MBTPS2: variants seen among roughly 807,000 people sequenced by gnomAD.
The protein encoded by MBTPS2 is membrane bound transcription factor peptidase, site 2.
MBTPS2 carries 2 observed loss-of-function variants against 35.4 expected under a neutral mutation model. The observed-to-expected ratio is 0.06, with a 90% CI of 0.02 to 0.18. The LOEUF is 0.18. Ranked by LOEUF, MBTPS2 falls within the 10% of genes least tolerant of loss-of-function variation. The probability of loss-of-function intolerance (pLI) is 1.00; values close to 1 mark genes in which losing one functional copy is unlikely to be tolerated. For missense variants in MBTPS2, 244 were observed against 386.5 expected (o/e 0.63, Z 3.09); for synonymous variants, 125 against 140.4 (o/e 0.89, Z 0.77).
At chrX:21,872,808 A>C (rs2147450369) in intron 7 of MBTPS2, 1 of 106,365 alleles carries the variant, frequency 9.4e-6, no homozygotes, top group South Asian at 4.2e-4. Flanking sequence ...ACTAGCCTTA[A>C]AAAAAAAATA....
At chrX:21,847,452 A>G in intron 3 of MBTPS2, among the ~76,000 whole-genome samples, 1 of 112,139 alleles carries the variant, frequency 8.9e-6, no homozygotes. Context: ...TCTCCAAACC[A>G]TGGCACTCTG....
At chrX:21,848,370 G>A (rs889565974) in intron 3 of MBTPS2, among the ~76,000 whole-genome samples, 12 of 108,418 alleles carry the variant, frequency 1.1e-4, no homozygotes, top group Non-Finnish European at 7.6e-5. Flanking sequence ...AGTGAGCCAA[G>A]ATCACACCAT....
chrX:21,876,319 T>C (rs888201896), intron 7 of MBTPS2, among the ~76,000 whole-genome samples: 10 of 111,570 alleles, frequency 9.0e-5, no homozygotes, highest in African/African-American at 3.3e-4. Context: ...ATCCCAGCAC[T>C]TTGGGAGGCC....
intron 9 of MBTPS2, among the ~76,000 whole-genome samples, chrX:21,879,943 G>A (rs867756465): frequency 3.8e-5 from 2 of 52,531 alleles, no homozygotes; most frequent in Non-Finnish European, 6.0e-5. Context: ...TGGGTTTTAT[G>A]TTATTCTTTT....
chrX:21,858,548 A>G (rs1259137614), intron 5 of MBTPS2: 2 of 123,035 alleles, frequency 1.6e-5, no homozygotes, highest in Non-Finnish European at 3.8e-5. Flanking sequence ...GCCACTAAAC[A>G]TCCTACAATG....
intron 7 of MBTPS2, among the ~76,000 whole-genome samples, chrX:21,873,993 G>GTATA (rs1404695632): frequency 4.5e-5 from 3 of 66,591 alleles, no homozygotes; most frequent in African/African-American, 1.3e-4. Context: ...GTGTGTGTGT[G>GTATA]TGTGTGTGTA....
At chrX:21,857,107 C>A (rs1198963984) in intron 5 of MBTPS2, 1 of 1,211,515 alleles carries the variant, frequency 8.3e-7, no homozygotes, top group South Asian at 1.8e-5. Context: ...GAAAACCCAC[C>A]TGATTATTCC....
At chrX:21,851,093 C>T (rs1401992280) in intron 3 of MBTPS2, among the ~76,000 whole-genome samples, 5 of 111,667 alleles carry the variant, frequency 4.5e-5, no homozygotes, top group Non-Finnish European at 7.5e-5. Flanking sequence ...AGCGGAAGGT[C>T]TAGGAATTTT....
At chrX:21,851,114 C>T (rs2092914235) in intron 3 of MBTPS2, among the ~76,000 whole-genome samples, 1 of 111,597 alleles carries the variant, frequency 9.0e-6, no homozygotes, top group African/African-American at 3.3e-5. Context: ...AACAAGGATT[C>T]CCAAATCAGG....
chrX:21,882,429 C>T lies in MBTPS2; in HGVS notation c.1338-4C>T, dbSNP rs1275108686. ...AGTTGGTTCCTTAACTGATTTTAAC[C>T]CAGGTACCTGATTTCCCTCTCAGGA... is the stretch of plus-strand genomic sequence containing the variant. On this transcript the variant is annotated splice_polypyrimidine_tract_variant and splice_region_variant and intron_variant, in intron 10 of 10. Coordinates refer to ENST00000379484, the MANE Select transcript of MBTPS2 (RefSeq NM_015884.4). The T allele has an allele frequency of 8.3e-6, 10 of 1,202,174 alleles. No individual in the cohort carries two copies. Among genetic ancestry groups the T allele is most frequent in the Non-Finnish European group, 1.0e-5 (9 of 887,914 alleles).
chrX:21,842,420 T>G (rs948522543), intron 1 of MBTPS2, among the ~76,000 whole-genome samples: 1 of 110,676 alleles, frequency 9.0e-6, no homozygotes, highest in Admixed American at 9.6e-5. Flanking sequence ...TCCCTTCTCT[T>G]GGATTGGTAG....
At chrX:21,877,749 C>G (rs1158569199) in intron 7 of MBTPS2, among the ~76,000 whole-genome samples, 1 of 111,828 alleles carries the variant, frequency 8.9e-6, no homozygotes, top group Non-Finnish European at 1.9e-5. Flanking sequence ...ACCAGCCAGA[C>G]TTATTATTGT....
chrX:21,843,558 C>A (rs2092905161), intron 2 of MBTPS2, among the ~76,000 whole-genome samples: 1 of 111,287 alleles, frequency 9.0e-6, no homozygotes, highest in Admixed American at 9.6e-5. Flanking sequence ...CTCTGGGACA[C>A]CCAAGATACA....
intron 3 of MBTPS2, among the ~76,000 whole-genome samples, chrX:21,848,579 C>G (rs1404300239): frequency 1.8e-5 from 2 of 110,654 alleles, no homozygotes; most frequent in Non-Finnish European, 3.8e-5. Context: ...ACTGTGGAGG[C>G]TGAAGCAGGA....
At chrX:21,841,212 G>A (rs897163712) in intron 1 of MBTPS2, among the ~76,000 whole-genome samples, 2 of 111,583 alleles carry the variant, frequency 1.8e-5, no homozygotes, top group Admixed American at 1.9e-4. Flanking sequence ...CCTGAGTCCA[G>A]GAGTTTGAGA....
intron 5 of MBTPS2, among the ~76,000 whole-genome samples, chrX:21,866,901 C>T (rs765277725): frequency 2.8e-5 from 3 of 108,759 alleles, no homozygotes; most frequent in Non-Finnish European, 5.7e-5. Flanking sequence ...TGGTGGTGGG[C>T]GCCTGTAATC....
In MBTPS2 at chrX:21,845,330, T is replaced by C. The variant is rs749021769; in HGVS notation, c.384T>C (p.Ser128=). 3.4e-6 allele frequency: 4 copies of C among 1,193,409 alleles called. No individual in the cohort carries two copies. The highest frequency in any genetic ancestry group is 3.0e-5 in the East Asian group (1 of 33,409). ...CTTCCTCCTCTTCTTCCTCTTCCTCTTCTTCATCTTCTTCCTCTTCCTCGC... is the reference window on the plus strand; with the variant it reads ...CTTCCTCCTCTTCTTCCTCTTCCTCCTCTTCATCTTCTTCCTCTTCCTCGC... ...SSSSSSSSSS[S]SSSSSSSSLH... Residue 128 remains serine (S), a synonymous_variant, in exon 3 of 11, where the codon TCT becomes TCC. Transcript: ENST00000379484.
At chrX:21,853,540 G>A (rs1420397910) in intron 5 of MBTPS2, 37 bp downstream of exon 5, 25 of 1,180,333 alleles carry the variant, frequency 2.1e-5, no homozygotes, top group Non-Finnish European at 2.9e-5. Flanking sequence ...TTCATCTGTG[G>A]TTTTGGTTTT....
intron 7 of MBTPS2, among the ~76,000 whole-genome samples, chrX:21,876,318 C>T (rs141707055): frequency 0.023 from 2,534 of 111,638 alleles, 62 homozygotes; most frequent in African/African-American, 0.078. Flanking sequence ...AATCCCAGCA[C>T]TTTGGGAGGC....
Sources: gnomAD v4.1 joint callset for allele counts (sites outside exome capture counted in the v4.1 genomes callset) on GRCh38, gnomAD v4.1.1 for gene constraint, MANE v1.5 for transcripts, NCBI Gene and HGNC (gene_info 2026-07-23, HGNC 2026-07-21) for gene names.